The following CYB5R3 variants were observed in gnomAD, a reference collection of about 807,000 sequenced individuals.
CYB5R3 encodes cytochrome b5 reductase 3.
In CYB5R3, 28 loss-of-function variants were observed where a neutral mutation model predicts 36.5. The ratio of observed to expected loss-of-function variants is 0.77; its 90% CI spans 0.57 to 1.05. CYB5R3 has a LOEUF of 1.05. CYB5R3 is among the 50% of genes least tolerant of loss of function. CYB5R3 has a pLI of 0.00. For synonymous variants in CYB5R3, 181 were observed against 159.8 expected (o/e 1.13, Z -1.00); for missense variants, 474 against 408.9 (o/e 1.16, Z -1.37).
intron 1 of CYB5R3, among the ~76,000 whole-genome samples, chr22:42,648,610 G>A (rs527298155): frequency 7.9e-5 from 12 of 152,254 alleles, no homozygotes; most frequent in Admixed American, 7.2e-4. Context: ...TGTGAAATGG[G>A]GCAAACAGCA....
chr22:42,644,866 C>T (rs1180707303), intron 1 of CYB5R3, among the ~76,000 whole-genome samples: 2 of 152,172 alleles, frequency 1.3e-5, no homozygotes, highest in Admixed American at 6.5e-5. Context: ...GGCCCCTCCG[C>T]GGGCAGCTGG....
At chr22:42,624,584 C>A (rs947445220) in intron 7 of CYB5R3, among the ~76,000 whole-genome samples, 8 of 150,130 alleles carry the variant, frequency 5.3e-5, no homozygotes, top group African/African-American at 1.7e-4. Context: ...CTGAATCCCC[C>A]ACCCGACTCC....
chr22:42,647,042 G>T (rs1396565853), intron 1 of CYB5R3: 2 of 893,104 alleles, frequency 2.2e-6, no homozygotes, highest in Non-Finnish European at 2.7e-6. Context: ...GTTGGGAGAG[G>T]CCTCCCATGG....
intron 1 of CYB5R3, among the ~76,000 whole-genome samples, chr22:42,641,135 G>A (rs1188151760): frequency 3.9e-5 from 6 of 152,116 alleles, no homozygotes; most frequent in South Asian, 2.1e-4. Flanking sequence ...GGTTACAGGC[G>A]TGAGCCACCA....
At chr22:42,634,287 G>C (rs1000982768) in intron 2 of CYB5R3, among the ~76,000 whole-genome samples, 4 of 150,618 alleles carry the variant, frequency 2.7e-5, no homozygotes, top group Non-Finnish European at 5.9e-5. Flanking sequence ...CTTGAACCTG[G>C]GAGGCAGAGG....
intron 1 of CYB5R3, among the ~76,000 whole-genome samples, chr22:42,643,793 C>CA (rs1393942925): frequency 6.6e-6 from 1 of 152,148 alleles, no homozygotes; most frequent in Non-Finnish European, 1.5e-5. Context: ...GTTTGAGTCC[C>CA]AGCTAAGGAT....
intron 1 of CYB5R3, chr22:42,644,635 G>A (rs1210769355): frequency 4.9e-6 from 7 of 1,438,426 alleles, no homozygotes; most frequent in African/African-American, 4.3e-5. Flanking sequence ...GTACTATTCC[G>A]AGGATTCCTC....
chr22:42,644,630 A>C (rs916427544), intron 1 of CYB5R3: 2 of 1,443,146 alleles, frequency 1.4e-6, no homozygotes, highest in African/African-American at 2.8e-5. Flanking sequence ...GGCAAGTACT[A>C]TTCCGAGGAT....
intron 1 of CYB5R3, among the ~76,000 whole-genome samples, chr22:42,642,417 A>G (rs1264031188): frequency 6.6e-6 from 1 of 151,876 alleles, no homozygotes; most frequent in Non-Finnish European, 1.5e-5. Context: ...CCAGCCCATA[A>G]ATGTTCTTTT....
intron 2 of CYB5R3, among the ~76,000 whole-genome samples, chr22:42,636,485 T>A (rs1400226572): frequency 2.0e-5 from 3 of 152,198 alleles, no homozygotes; most frequent in African/African-American, 7.2e-5. Flanking sequence ...TGACCTTGCA[T>A]GAGGCAGTGA....
At chr22:42,627,237 C>G in intron 7 of CYB5R3, 67 bp downstream of exon 7, 1 of 1,360,278 alleles carries the variant, frequency 7.4e-7, no homozygotes, top group Non-Finnish European at 1.0e-6. Flanking sequence ...TGGAACAGCA[C>G]CTGACCAGGC....
chr22:42,628,552 GATGCAC>G (rs1928431726), intron 4 of CYB5R3, among the ~76,000 whole-genome samples: 1 of 152,158 alleles, frequency 6.6e-6, no homozygotes, highest in Non-Finnish European at 1.5e-5. Context: ...TCCAGGGCTG[GATGCAC>G]TCACATTTCA....
At chr22:42,641,961 C>T (rs9620076) in intron 1 of CYB5R3, among the ~76,000 whole-genome samples, 1 of 152,156 alleles carries the variant, frequency 6.6e-6, no homozygotes, top group African/African-American at 2.4e-5. Context: ...CAGCCCCTAA[C>T]CCCCATACCA....
At chr22:42,633,684 G>C (rs770791673) in intron 2 of CYB5R3, among the ~76,000 whole-genome samples, 5 of 152,262 alleles carry the variant, frequency 3.3e-5, no homozygotes, top group African/African-American at 7.2e-5. Context: ...CTGGGAGGCT[G>C]AGGCAGAAGA....
chr22:42,622,158 G>A (rs1219142490), intron 8 of CYB5R3, among the ~76,000 whole-genome samples: 1 of 152,170 alleles, frequency 6.6e-6, no homozygotes, highest in Non-Finnish European at 1.5e-5. Context: ...TTGACCTCAT[G>A]ATCTGCCTGC....
chr22:42,649,153 G>A (rs1601955465), intron 1 of CYB5R3, 142 bp downstream of exon 1: 1 of 232,672 alleles, frequency 4.3e-6, no homozygotes, highest in South Asian at 9.8e-5. Context: ...GGGGTGGGGC[G>A]CGGCGGGCTG....
At chr22:42,649,138 G>A (rs943453283) in intron 1 of CYB5R3, among the ~76,000 whole-genome samples, 157 bp downstream of exon 1, 1 of 152,138 alleles carries the variant, frequency 6.6e-6, no homozygotes, top group Non-Finnish European at 1.5e-5. Context: ...AGGCCCTTGT[G>A]GGGTGGGGTG....
intron 7 of CYB5R3, among the ~76,000 whole-genome samples, chr22:42,625,216 T>C (rs569920491): frequency 6.6e-6 from 1 of 152,298 alleles, no homozygotes; most frequent in East Asian, 1.9e-4. Context: ...ATGTGTAACT[T>C]TCTTTTTAGG....
intron 8 of CYB5R3, among the ~76,000 whole-genome samples, chr22:42,621,307 C>T (rs1225135374): frequency 6.6e-6 from 1 of 152,114 alleles, no homozygotes; most frequent in Admixed American, 6.6e-5. Context: ...CAGCCTGGAG[C>T]TCCTGGGCTC....
Sources: gnomAD v4.1 joint callset for allele counts (sites outside exome capture counted in the v4.1 genomes callset) on GRCh38, gnomAD v4.1.1 for gene constraint, MANE v1.5 for transcripts, NCBI Gene and HGNC (gene_info 2026-07-23, HGNC 2026-07-21) for gene names.